CFAP95: variants seen among roughly 807,000 people sequenced by gnomAD.
CFAP95 encodes cilia and flagella associated protein 95.
chr9:69,884,098 T>A, the CFAP95 span, among the ~76,000 whole-genome samples: 1 of 152,214 alleles, frequency 6.6e-6, no homozygotes, highest in Non-Finnish European at 1.5e-5. Context: ...GTTTTCATTG[T>A]CATTTGTTTT....
chr9:69,844,072 C>T, the CFAP95 span, among the ~76,000 whole-genome samples: 2 of 152,068 alleles, frequency 1.3e-5, no homozygotes, highest in Admixed American at 6.5e-5. Context: ...AGCAGAAGCA[C>T]AGGTTATAAA....
chr9:69,889,421 G>C, the CFAP95 span, among the ~76,000 whole-genome samples: 1 of 152,194 alleles, frequency 6.6e-6, no homozygotes, highest in African/African-American at 2.4e-5. Flanking sequence ...TGGTCTTTGA[G>C]ATATTTTTCA....
At chr9:69,905,946 C>T in the CFAP95 span, 42 of 1,491,188 alleles carry the variant, frequency 2.8e-5, no homozygotes, top group South Asian at 5.8e-5. Context: ...CTCTTTTTTC[C>T]CCCATAGGCT....
the CFAP95 span, among the ~76,000 whole-genome samples, chr9:69,830,825 CT>C: frequency 4.6e-5 from 7 of 151,510 alleles, no homozygotes; most frequent in African/African-American, 1.7e-4. Context: ...TTTTAAAAAA[CT>C]TTTTTTTTCT....
chr9:69,862,695 G>A, the CFAP95 span, among the ~76,000 whole-genome samples: 201 of 152,270 alleles, frequency 1.3e-3, 3 homozygotes, highest in African/African-American at 4.8e-3. Context: ...TCAGGATAAG[G>A]TATAGTTTTG....
the CFAP95 span, chr9:69,844,724 G>A: frequency 0.15 from 109,448 of 752,622 alleles, 8,421 homozygotes; most frequent in East Asian, 0.29. Flanking sequence ...ACCATCCCTC[G>A]TTAACTGTGT....
the CFAP95 span, among the ~76,000 whole-genome samples, chr9:69,866,519 A>G: frequency 6.6e-6 from 1 of 152,218 alleles, no homozygotes; most frequent in Non-Finnish European, 1.5e-5. Context: ...GCTCAAGAAG[A>G]GAGAAAATGT....
the CFAP95 span, among the ~76,000 whole-genome samples, chr9:69,901,433 G>C: frequency 1.3e-5 from 2 of 152,048 alleles, no homozygotes; most frequent in Non-Finnish European, 2.9e-5. Flanking sequence ...CACCGCGCCC[G>C]GCCGGTGTTT....
the CFAP95 span, among the ~76,000 whole-genome samples, chr9:69,898,677 C>T: frequency 2.0e-5 from 3 of 152,088 alleles, no homozygotes; most frequent in Admixed American, 2.0e-4. Flanking sequence ...ATCCACAGTC[C>T]ATGTTAAATA....
chr9:69,837,955 G>A, the CFAP95 span, among the ~76,000 whole-genome samples: 24 of 152,250 alleles, frequency 1.6e-4, no homozygotes, highest in African/African-American at 5.1e-4. Flanking sequence ...CATATGACTA[G>A]CCAGTTTTCC....
chr9:69,891,429 C>G, the CFAP95 span, among the ~76,000 whole-genome samples: 1 of 151,622 alleles, frequency 6.6e-6, no homozygotes, highest in Non-Finnish European at 1.5e-5. Context: ...TCCACTAAAG[C>G]AAACAAAGAA....
chr9:69,839,795 G>T, the CFAP95 span, among the ~76,000 whole-genome samples: 1 of 151,322 alleles, frequency 6.6e-6, no homozygotes, highest in Non-Finnish European at 1.5e-5. Context: ...TCATTTTTTG[G>T]CCAGGCGCAG....
chr9:69,884,962 T>G, the CFAP95 span: 1 of 152,242 alleles, frequency 6.6e-6, no homozygotes, highest in African/African-American at 2.4e-5. Flanking sequence ...CTGAAGGGCT[T>G]GCTGAGATAT....
the CFAP95 span, among the ~76,000 whole-genome samples, chr9:69,883,501 A>G: frequency 6.6e-6 from 1 of 152,154 alleles, no homozygotes; most frequent in African/African-American, 2.4e-5. Context: ...GGATTCAGGC[A>G]GTTTTTGATG....
chr9:69,824,433 CA>C, the CFAP95 span, among the ~76,000 whole-genome samples: 1 of 151,846 alleles, frequency 6.6e-6, no homozygotes, highest in African/African-American at 2.4e-5. Context: ...GGAAAAAAGG[CA>C]AAAAAATTTG....
chr9:69,894,017 C>T, the CFAP95 span, among the ~76,000 whole-genome samples: 3 of 152,074 alleles, frequency 2.0e-5, no homozygotes, highest in Non-Finnish European at 4.4e-5. Flanking sequence ...GTCTTATAAT[C>T]CCTGCCAGAG....
At chr9:69,896,713 GA>G in the CFAP95 span, among the ~76,000 whole-genome samples, 1 of 152,134 alleles carries the variant, frequency 6.6e-6, no homozygotes, top group Non-Finnish European at 1.5e-5. Context: ...ATCATTGGAG[GA>G]AAAAATATCC....
At chr9:69,886,722 A>T in the CFAP95 span, 1 of 715,348 alleles carries the variant, frequency 1.4e-6, no homozygotes, top group Non-Finnish European at 2.3e-6. Flanking sequence ...TTAAATTTTG[A>T]TTAGGGCCAA....
chr9:69,886,913 A>G, the CFAP95 span: 18 of 1,595,914 alleles, frequency 1.1e-5, no homozygotes, highest in South Asian at 2.0e-4. Flanking sequence ...CAAGAACCGT[A>G]GTCTTCTACC....
Sources: gnomAD v4.1 joint callset for allele counts (sites outside exome capture counted in the v4.1 genomes callset) on GRCh38, gnomAD v4.1.1 for gene constraint, MANE v1.5 for transcripts, NCBI Gene and HGNC (gene_info 2026-07-23, HGNC 2026-07-21) for gene names.